The following TPCN2 variants were observed in gnomAD, a reference collection of about 807,000 sequenced individuals.
TPCN2 encodes the protein two pore segment channel 2.
Under a neutral mutation model 111.4 loss-of-function variants are expected in TPCN2, and 92 were observed. That is an observed-to-expected ratio of 0.83 (90% CI 0.70 to 0.98). The LOEUF (loss-of-function observed/expected upper bound fraction) is 0.98. TPCN2 is among the 50% of genes least tolerant of loss of function. The pLI, the probability that TPCN2 is intolerant of heterozygous loss-of-function variation, is 0.00. For missense variants in TPCN2, 995 were observed against 980.1 expected (o/e 1.02, Z -0.20); for synonymous variants, 405 against 414.5 (o/e 0.98, Z 0.28).
At position 69,081,413 on chromosome 11, in the gene TPCN2, G is replaced by T; in HGVS notation, c.1603G>T (p.Val535Leu). 1 of 1,555,712 alleles carries T rather than the reference G, an allele frequency of 6.4e-7. No individual in the cohort carries two copies. ...GTCTCTCCCCAGGAGGCCGGAGATGGTGGGCCTGCTGTCGCTGTGGGACAT... is the reference window on the plus strand; with the variant it reads ...GTCTCTCCCCAGGAGGCCGGAGATGTTGGGCCTGCTGTCGCTGTGGGACAT... ...LPHPGWRPEM[V>L]GLLSLWDMTR... is the part of the protein sequence containing the mutation. Residue 535 changes from valine to leucine, a missense_variant, in exon 18 of 25, where the codon GTG becomes TTG. Transcript: ENST00000294309.
chr11:69,088,104 C>T lies in TPCN2; in HGVS notation c.*151C>T. ...ACTAAGCTGGGGACAGGAACCAAGT[C>T]CTTTGCGTGTGGCCCAACAACCATC... On this transcript the variant is annotated 3_prime_UTR_variant, in exon 25 of 25. Transcript: ENST00000294309. 1.5e-6 allele frequency: 1 copy of T among 649,242 alleles called. No homozygotes were observed. The highest frequency in any genetic ancestry group is 2.0e-5 in the South Asian group (1 of 50,996). The allele number at this position is 649,242 out of a possible 1,614,324, so 40.2% of individuals were successfully genotyped here.
At chr11:69,053,976 G>C in intron 1 of TPCN2, 57 bp from the exon 2 acceptor site, 1 of 1,454,694 alleles carries the variant, frequency 6.9e-7, no homozygotes, top group Non-Finnish European at 9.6e-7. Flanking sequence ...CGGGTATCCT[G>C]GAGGGTGAGG....
At position 69,054,098 on chromosome 11, in the gene TPCN2, G is replaced by A. The variant is rs766009666; in HGVS notation, c.174+1G>A. The A allele has an allele frequency of 2.5e-6, 4 of 1,612,916 alleles. No homozygotes were observed. In the South Asian group the frequency reaches 3.3e-5, roughly 13 times the overall value. On this transcript the variant is annotated splice_donor_variant, in intron 2 of 24. Transcript: ENST00000294309. LOFTEE classifies it high-confidence loss of function. ...GGTCTTCATCGAAGATGCTATTCAG[G>A]TCGGTGGCACCTGCTCCCTGTGGCC...
At chr11:69,069,310 AC>A (rs1474448956) in intron 8 of TPCN2, among the ~76,000 whole-genome samples, 3 of 35,752 alleles carry the variant, frequency 8.4e-5, no homozygotes, top group Admixed American at 2.3e-4. Flanking sequence ...CTAGGAAGTG[AC>A]CGCAGTGGGA....
chr11:69,081,482 A>G lies in TPCN2; in HGVS notation c.1672A>G (p.Ile558Val), dbSNP rs952674461. The G allele has an allele frequency of 4.5e-6, 7 of 1,569,874 alleles. No homozygotes were observed. In the African/African-American group the frequency reaches 8.1e-5, roughly 18 times the overall value. The change falls in exon 18 of 25, where the codon ATC (isoleucine) becomes GTC (valine). Residue 558 changes from isoleucine to valine, a missense_variant. Physicochemically the swap from Ile to Val is conservative, Grantham distance 29. Transcript: ENST00000294309. Reference protein sequence around the residue: ...NMLIVFRFLRIIPSMKLMAVV... With the variant: ...NMLIVFRFLRVIPSMKLMAVV... ...GCTCATCGTGTTCCGCTTCCTGCGT[A>G]TCATCCCCAGCATGAAGGTGTGTGC... is the stretch of plus-strand genomic sequence containing the variant.
In TPCN2 at chr11:69,062,970, G is replaced by T; in HGVS notation, c.633G>T (p.Trp211Cys). Residue 211 changes from tryptophan to cysteine, a missense_variant, in exon 6 of 25, where the codon TGG becomes TGT. By Grantham distance (215) the Trp-to-Cys change is radical. Transcript: ENST00000294309. ...MMKKTLKCIR[W>C]SLPEMASVGL... ...AGAAGACCTTGAAATGCATCCGCTG[G>T]TCGCTGCCGGAAATGGCCAGGTGGG... 1 of 1,613,932 alleles carries T rather than the reference G, an allele frequency of 6.2e-7. No individual in the cohort carries two copies. The highest frequency in any genetic ancestry group is 8.5e-7 in the Non-Finnish European group (1 of 1,179,858).
At chr11:69,080,551 C>T (rs555369461) in intron 17 of TPCN2, among the ~76,000 whole-genome samples, 2 of 152,298 alleles carry the variant, frequency 1.3e-5, no homozygotes, top group South Asian at 2.1e-4. Flanking sequence ...GGGTGGGGCA[C>T]GGGGCCCAGC....
intron 13 of TPCN2, among the ~76,000 whole-genome samples, chr11:69,074,214 C>G (rs899206380): frequency 6.6e-6 from 1 of 152,196 alleles, no homozygotes; most frequent in South Asian, 2.1e-4. Context: ...CCTTCCAGAC[C>G]TCTGTAGTCA....
intron 22 of TPCN2, among the ~76,000 whole-genome samples, chr11:69,086,310 G>A (rs1364541630): frequency 1.3e-5 from 2 of 152,214 alleles, no homozygotes; most frequent in African/African-American, 4.8e-5. Flanking sequence ...TCCCAGCACC[G>A]CCTCCTGCTG....
intron 18 of TPCN2, among the ~76,000 whole-genome samples, 158 bp from the exon 19 acceptor site, chr11:69,083,787 G>A (rs913345033): frequency 6.6e-6 from 1 of 151,782 alleles, no homozygotes; most frequent in Non-Finnish European, 1.5e-5. Context: ...GTGTAGAGGC[G>A]TGTGGGGGTG....
At chr11:69,076,679 T>C (rs1398726432) in intron 13 of TPCN2, among the ~76,000 whole-genome samples, 1 of 73,806 alleles carries the variant, frequency 1.4e-5, no homozygotes, top group East Asian at 4.7e-4. Flanking sequence ...CCTCCTGCCG[T>C]GTCCCTCCAC....
chr11:69,072,742 T>C (rs775825087), intron 12 of TPCN2, 34 bp downstream of exon 12: 12 of 1,610,338 alleles, frequency 7.5e-6, no homozygotes, highest in Middle Eastern at 3.5e-4. Context: ...TCCTCTGGGC[T>C]CCTCCCGGGA....
chr11:69,070,333 CCT>C, intron 8 of TPCN2, 95 bp from the exon 9 acceptor site: 1 of 988,576 alleles, frequency 1.0e-6, no homozygotes, highest in South Asian at 1.3e-5. Context: ...GCAATGGAGA[CCT>C]CCTTTCTATT....
intron 5 of TPCN2, among the ~76,000 whole-genome samples, chr11:69,058,052 C>T (rs1246116202): frequency 1.3e-5 from 2 of 152,232 alleles, no homozygotes; most frequent in Non-Finnish European, 2.9e-5. Flanking sequence ...TCACCATGCC[C>T]CGTAGTCACA....
intron 5 of TPCN2, among the ~76,000 whole-genome samples, chr11:69,059,815 A>G (rs1388439722): frequency 6.6e-6 from 1 of 152,184 alleles, no homozygotes; most frequent in African/African-American, 2.4e-5. Context: ...GGTTGTGGGC[A>G]AGGGCCCCTC....
intron 5 of TPCN2, among the ~76,000 whole-genome samples, chr11:69,059,724 G>T (rs187881972): frequency 1.3e-5 from 2 of 152,240 alleles, no homozygotes; most frequent in Non-Finnish European, 1.5e-5. Context: ...TCCTGGGATG[G>T]TGCTGGGAGA....
In TPCN2 at chr11:69,088,326, G is replaced by A. The variant is rs1288858347; in HGVS notation, c.*373G>A. ...CCCTTGGGGACCACAGGCCTGACCA[G>A]GGCCTGCACAGGTTAACCGTCAGAC... On this transcript the variant is annotated 3_prime_UTR_variant, in exon 25 of 25. Transcript: ENST00000294309. 1 of 217,456 alleles carries A rather than the reference G, an allele frequency of 4.6e-6. No homozygotes were observed. The highest frequency in any genetic ancestry group is 2.3e-5 in the African/African-American group (1 of 44,038). The allele number at this position is 217,456 out of a possible 1,614,324, so 13.5% of individuals were successfully genotyped here. A position where few individuals can be genotyped will look rare whatever the true frequency, so the allele number is the denominator to read the frequency against.
At position 69,051,191 on chromosome 11, in the gene TPCN2, G is replaced by A. The variant is rs543638037; in HGVS notation, c.109+2085G>A. ...TGCCCCAAGGACCCCAGTGGACCCT[G>A]CTGTTGGGTCGTTTTGACTTGGCCC... On this transcript the variant is annotated intron_variant, in intron 1 of 24. Coordinates refer to ENST00000294309, the MANE Select transcript of TPCN2 (RefSeq NM_139075.4). Among the ~76,000 whole-genome samples, 3 of 152,392 alleles carry A rather than the reference G, an allele frequency of 2.0e-5. No individual in the cohort carries two copies. In the South Asian group the frequency reaches 6.2e-4, roughly 32 times the overall value.
intron 5 of TPCN2, among the ~76,000 whole-genome samples, chr11:69,058,912 C>T (rs1854898898): frequency 6.6e-6 from 1 of 152,240 alleles, no homozygotes; most frequent in African/African-American, 2.4e-5. Context: ...AAATTGTAAG[C>T]CACACCAAGA....
Sources: allele counts gnomAD v4.1 joint callset (sites outside exome capture counted in the v4.1 genomes callset), GRCh38; gene constraint gnomAD v4.1.1; transcripts MANE v1.5; gene names NCBI Gene and HGNC (gene_info 2026-07-23, HGNC 2026-07-21).